The following SORCS3 variants were observed in gnomAD, a reference collection of about 807,000 sequenced individuals.
The protein encoded by SORCS3 is sortilin related VPS10 domain containing receptor 3, also known as VPS10 domain-containing receptor SorCS3.
SORCS3 carries 57 observed loss-of-function variants against 146.3 expected under a neutral mutation model. The observed-to-expected ratio is 0.39, with a 90% confidence interval of 0.31 to 0.49. The LOEUF is 0.49. SORCS3 is among the 20% of genes least tolerant of loss of function. The pLI is 0.92. For synonymous variants in SORCS3, 653 were observed against 618.5 expected, an observed-to-expected ratio of 1.06 and a Z score of -0.83; for missense variants, 1,341 against 1,575.5, an observed-to-expected ratio of 0.85 and a Z score of 2.52.
chr10:104,858,775 C>T (rs912455235), intron 2 of SORCS3, among the ~76,000 whole-genome samples: 4 of 151,794 alleles, frequency 2.6e-5, no homozygotes, highest in African/African-American at 9.7e-5. Context: ...GTACCCGCCA[C>T]CACGCCTGGC....
At chr10:105,109,714 G>A (rs2133756322) in intron 7 of SORCS3, among the ~76,000 whole-genome samples, 1 of 151,670 alleles carries the variant, frequency 6.6e-6, no homozygotes, top group African/African-American at 2.4e-5. Context: ...GTTTTATTTT[G>A]TTTTTTAACT....
chr10:105,201,023 A>G, intron 15 of SORCS3, 97 bp from the exon 16 acceptor site: 1 of 1,351,984 alleles, frequency 7.4e-7, no homozygotes. Flanking sequence ...AAAGTACCTA[A>G]ATGAGAATGA....
chr10:104,840,264 C>G (rs183708218), intron 1 of SORCS3, among the ~76,000 whole-genome samples: 1 of 152,160 alleles, frequency 6.6e-6, no homozygotes, highest in African/African-American at 2.4e-5. Flanking sequence ...TGCAGAACGC[C>G]TGCGTCTTTG....
At chr10:104,832,238 CATA>C (rs904426183) in intron 1 of SORCS3, among the ~76,000 whole-genome samples, 2 of 152,048 alleles carry the variant, frequency 1.3e-5, no homozygotes, top group Admixed American at 6.6e-5. Context: ...TAATAAGAGG[CATA>C]ATAATAATAA....
intron 1 of SORCS3, among the ~76,000 whole-genome samples, chr10:104,804,433 T>C (rs1383752179): frequency 2.0e-5 from 3 of 152,240 alleles, no homozygotes; most frequent in Admixed American, 2.0e-4. Context: ...GTTTTCTTCC[T>C]TCCTTATTCT....
At chr10:105,222,750 A>C (rs894462355) in intron 19 of SORCS3, among the ~76,000 whole-genome samples, 1 of 152,196 alleles carries the variant, frequency 6.6e-6, no homozygotes, top group African/African-American at 2.4e-5. Flanking sequence ...ACTGACCCCA[A>C]ATCACAATAC....
At chr10:104,978,906 C>T (rs1465747796) in intron 4 of SORCS3, among the ~76,000 whole-genome samples, 1 of 152,192 alleles carries the variant, frequency 6.6e-6, no homozygotes, top group African/African-American at 2.4e-5. Context: ...GTCCCTCCTT[C>T]TCTCTCCTGG....
chr10:105,181,254 C>G (rs2056440825), intron 14 of SORCS3, among the ~76,000 whole-genome samples: 1 of 152,148 alleles, frequency 6.6e-6, no homozygotes, highest in Non-Finnish European at 1.5e-5. Context: ...GCCCATGGCT[C>G]TAGCATGTTA....
intron 5 of SORCS3, among the ~76,000 whole-genome samples, chr10:105,070,230 T>C (rs1182758862): frequency 6.6e-6 from 1 of 152,250 alleles, no homozygotes; most frequent in Non-Finnish European, 1.5e-5. Context: ...TCAGCATCTT[T>C]ACCTTTCATG....
chr10:105,209,379 A>C (rs2056621506), intron 16 of SORCS3, among the ~76,000 whole-genome samples: 1 of 151,950 alleles, frequency 6.6e-6, no homozygotes, highest in South Asian at 2.1e-4. Flanking sequence ...CTGACCTCAG[A>C]TGATCCACCC....
chr10:104,757,569 G>A (rs959786715), intron 1 of SORCS3, among the ~76,000 whole-genome samples: 1 of 152,186 alleles, frequency 6.6e-6, no homozygotes, highest in African/African-American at 2.4e-5. Flanking sequence ...TTGTGTGTCT[G>A]TGTGCTTGTG....
chr10:104,757,850 T>A (rs764653354), intron 1 of SORCS3, among the ~76,000 whole-genome samples: 19 of 76,804 alleles, frequency 2.5e-4, no homozygotes, highest in Non-Finnish European at 3.2e-4. Context: ...GGTTCCCCAC[T>A]GCCACCACCC....
chr10:104,946,264 G>A (rs1053855600), intron 3 of SORCS3, among the ~76,000 whole-genome samples: 4 of 151,782 alleles, frequency 2.6e-5, no homozygotes, highest in Non-Finnish European at 5.9e-5. Context: ...GCAAATACAG[G>A]ACGGCTGTTC....
chr10:104,817,364 C>G (rs1279070542), intron 1 of SORCS3, among the ~76,000 whole-genome samples: 1 of 110,790 alleles, frequency 9.0e-6, no homozygotes, highest in Non-Finnish European at 1.9e-5. Flanking sequence ...CCTCTTCCAC[C>G]CTTCTCCCCT....
intron 3 of SORCS3, among the ~76,000 whole-genome samples, chr10:104,961,916 C>G (rs2054798260): frequency 6.6e-6 from 1 of 151,962 alleles, no homozygotes; most frequent in Non-Finnish European, 1.5e-5. Flanking sequence ...CAAAGAAGAC[C>G]AGAGAACATT....
Position 105,255,759 on chromosome 10 carries a change from C to T in SORCS3, c.3295C>T (p.Pro1099Ser). The change falls in exon 24 of 27, where the codon CCG becomes TCG. Residue 1099 changes from proline to serine, a missense_variant. Pro to Ser is a moderately conservative substitution (Grantham distance 74). Transcript: ENST00000369701. The stretch of plus-strand genomic sequence containing the variant: ...AAATTTGGTCCAGTTTGAGCTGAAG[C>T]CGGGGGTACAAGTCATTGTGTATGT... Reference protein sequence around the residue: ...NQNLVQFELKPGVQVIVYVTQ... With the variant: ...NQNLVQFELKSGVQVIVYVTQ... 2 of 1,613,746 alleles carry T rather than the reference C, an allele frequency of 1.2e-6. No individual in the cohort carries two copies. The highest frequency in any genetic ancestry group is 1.7e-6 in the Non-Finnish European group (2 of 1,179,880).
At chr10:105,243,099 G>A (rs987542977) in intron 20 of SORCS3, among the ~76,000 whole-genome samples, 3 of 126,116 alleles carry the variant, frequency 2.4e-5, no homozygotes, top group African/African-American at 8.4e-5. Flanking sequence ...CCATTCTGTT[G>A]GGTGTTTAGA....
Position 105,211,175 on chromosome 10 carries a change from T to C in SORCS3, c.2300T>C (p.Val767Ala). The part of the protein sequence containing the change: ...GYERHGESQC[V>A]PAFWYNPASP... ...GAGAGACATGGGGAGAGCCAGTGTG[T>C]CCCAGCTTTCTGGTACAATCCAGCA... The change falls in exon 17 of 27, where the codon GTC (valine) becomes GCC (alanine). Residue 767 changes from valine to alanine, a missense_variant. Coordinates refer to ENST00000369701, the MANE Select transcript of SORCS3 (RefSeq NM_014978.3). The C allele has an allele frequency of 6.2e-7, 1 of 1,614,042 alleles. No homozygotes were observed. The highest frequency in any genetic ancestry group is 1.1e-5 in the South Asian group (1 of 91,080).
At chr10:104,941,400 G>A (rs2019319141) in intron 3 of SORCS3, among the ~76,000 whole-genome samples, 1 of 152,158 alleles carries the variant, frequency 6.6e-6, no homozygotes, top group Non-Finnish European at 1.5e-5. Flanking sequence ...AATAGAAAAT[G>A]TCTTTCACTT....
Sources: gnomAD v4.1 joint callset for allele counts (sites outside exome capture counted in the v4.1 genomes callset) on GRCh38, gnomAD v4.1.1 for gene constraint, MANE v1.5 for transcripts, NCBI Gene and HGNC (gene_info 2026-07-23, HGNC 2026-07-21) for gene names.